CHD6: variants seen among roughly 807,000 people sequenced by gnomAD.
CHD6 encodes the protein chromodomain helicase DNA binding protein 6.
Under a neutral mutation model 276.9 loss-of-function variants are expected in CHD6, and 50 were observed. The ratio of observed to expected loss-of-function variants is 0.18; its 90% CI spans 0.14 to 0.23. CHD6 has a LOEUF of 0.23. Ranked by LOEUF, CHD6 falls within the 10% of genes least tolerant of loss-of-function variation. The pLI, the probability that CHD6 is intolerant of heterozygous loss-of-function variation, is 1.00. For missense variants in CHD6, 2,564 were observed against 3,365.8 expected (o/e 0.76, Z 5.89); for synonymous variants, 1,173 against 1,229.3 (o/e 0.95, Z 0.96).
intron 27 of CHD6, 39 bp from the exon 28 acceptor site, chr20:41,426,192 G>C (rs756689595): frequency 7.0e-7 from 1 of 1,420,384 alleles, no homozygotes; most frequent in South Asian, 1.1e-5. Flanking sequence ...CAAAACTGCA[G>C]CTTAGAAGAA....
At chr20:41,530,963 A>C (rs1282361613) in intron 3 of CHD6, among the ~76,000 whole-genome samples, 1 of 152,230 alleles carries the variant, frequency 6.6e-6, no homozygotes, top group African/African-American at 2.4e-5. Flanking sequence ...ATTAGATCAA[A>C]TCAAGTTGCG....
intron 3 of CHD6, among the ~76,000 whole-genome samples, chr20:41,515,499 T>C (rs569135982): frequency 6.6e-5 from 10 of 152,210 alleles, no homozygotes; most frequent in African/African-American, 2.2e-4. Context: ...CTCAGAGAGG[T>C]AGAGATGGGC....
In CHD6 at chr20:41,490,040, A is replaced by AT; in HGVS notation, c.1437-20dup. 3.7e-6 allele frequency: 6 copies of AT among 1,609,072 alleles called. No individual in the cohort carries two copies. Among genetic ancestry groups the AT allele is most frequent in the Non-Finnish European group, 4.3e-6 (5 of 1,175,830 alleles). On this transcript the variant is annotated intron_variant, in intron 11 of 36. Coordinates refer to ENST00000373233, the MANE Select transcript of CHD6 (RefSeq NM_032221.5). Reference sequence around the variant, plus strand: ...GTTTTTTCTGCAGAGAGTGAGAAATATAGGTAATTCATTATCAATATAGGA... The same window carrying AT: ...GTTTTTTCTGCAGAGAGTGAGAAATATTAGGTAATTCATTATCAATATAGGA...
At chr20:41,499,476 A>T in intron 5 of CHD6, 119 bp from the exon 6 acceptor site, 1 of 760,646 alleles carries the variant, frequency 1.3e-6, no homozygotes, top group Admixed American at 2.8e-5. Flanking sequence ...TTGAGTACCA[A>T]GGCCTCCCAT....
At chr20:41,477,109 AATGTGCCT>A (rs2043185630) in intron 16 of CHD6, among the ~76,000 whole-genome samples, 1 of 152,060 alleles carries the variant, frequency 6.6e-6, no homozygotes, top group Non-Finnish European at 1.5e-5. Context: ...CATGGTGGCC[AATGTGCCT>A]ATCGTCCTAG....
intron 36 of CHD6, 108 bp from the exon 37 acceptor site, chr20:41,405,597 G>C (rs2046652437): frequency 2.4e-6 from 2 of 825,648 alleles, no homozygotes; most frequent in African/African-American, 3.4e-5. Context: ...CCAGCTGCAC[G>C]AAGGGTTCCC....
chr20:41,579,419 CAG>C (rs1307869220), intron 1 of CHD6, among the ~76,000 whole-genome samples: 3 of 122,070 alleles, frequency 2.5e-5, no homozygotes, highest in Non-Finnish European at 3.1e-5. Context: ...GCCTGGGCGA[CAG>C]AGTGAGACTC....
chr20:41,452,923 C>T lies in CHD6; in HGVS notation c.3140G>A (p.Arg1047Gln), dbSNP rs757436385. The T allele has an allele frequency of 4.3e-6, 7 of 1,613,632 alleles. No homozygotes were observed. The highest frequency in any genetic ancestry group is 5.1e-6 in the Non-Finnish European group (6 of 1,179,898). ...TTTGGTCTGCTTTCTCACGCGAGGT[C>T]GGTCGATCACTAAGCTTTCCTAGAA... is the stretch of plus-strand genomic sequence containing the variant. ...KNEKESLVID[R>Q]PRVRKQTKHY... The change falls in exon 21 of 37, where the codon CGA becomes CAA. Residue 1047 changes from arginine (R) to glutamine (Q), a missense_variant. Arg to Gln is a conservative substitution (Grantham distance 43). Transcript: ENST00000373233. The surrounding 1 kb of genome is among the most constrained non-coding windows in gnomAD (Gnocchi z 4.2).
chr20:41,535,104 G>A (rs891135661), intron 2 of CHD6, among the ~76,000 whole-genome samples: 11 of 152,092 alleles, frequency 7.2e-5, no homozygotes, highest in African/African-American at 2.4e-4. Flanking sequence ...TACTCCCACC[G>A]AGGCAGCTCT....
intron 3 of CHD6, among the ~76,000 whole-genome samples, chr20:41,525,696 C>T (rs1247475223): frequency 6.6e-6 from 1 of 152,176 alleles, no homozygotes; most frequent in Non-Finnish European, 1.5e-5. Flanking sequence ...GTTTAAATGT[C>T]TTTTGGTCTT....
intron 1 of CHD6, among the ~76,000 whole-genome samples, chr20:41,592,535 A>C (rs912890501): frequency 5.3e-5 from 8 of 152,244 alleles, no homozygotes; most frequent in African/African-American, 1.9e-4. Context: ...ATTAACAATG[A>C]CACAATAGTA....
chr20:41,458,623 T>C (rs917436668), intron 17 of CHD6, among the ~76,000 whole-genome samples: 24 of 152,202 alleles, frequency 1.6e-4, no homozygotes, highest in Non-Finnish European at 5.9e-5. Flanking sequence ...GAAATAGGTA[T>C]GGATATGTGT....
chr20:41,408,818 T>C (rs1384062625), intron 36 of CHD6, among the ~76,000 whole-genome samples: 1 of 152,240 alleles, frequency 6.6e-6, no homozygotes, highest in Non-Finnish European at 1.5e-5. Flanking sequence ...TGGTGCCTCC[T>C]TCTTCTTTTC....
At chr20:41,436,283 A>C (rs1288195888) in intron 27 of CHD6, among the ~76,000 whole-genome samples, 1 of 152,208 alleles carries the variant, frequency 6.6e-6, no homozygotes, top group Non-Finnish European at 1.5e-5. Flanking sequence ...CCATCAGGGA[A>C]ATGCAAATTA....
rs535133909 is a variant in CHD6 at position 41,579,417 on chromosome 20, G to A, written c.-23-28057C>T. ...CACAACACTGTACTCCTGCCTGGGC[G>A]ACAGAGTGAGACTCTGTCTCAAAAA... On this transcript the variant is annotated intron_variant, in intron 1 of 36. Coordinates refer to ENST00000373233, the MANE Select transcript of CHD6 (RefSeq NM_032221.5). Among the ~76,000 whole-genome samples, 33 of 121,016 alleles carry A rather than the reference G, an allele frequency of 2.7e-4. No homozygotes were observed. In the South Asian group the frequency reaches 7.4e-3, roughly 27 times the overall value. 79.4% of individuals were successfully genotyped at this position (121,016 alleles called of 152,430 possible).
At chr20:41,572,483 C>T (rs1462679817) in intron 1 of CHD6, among the ~76,000 whole-genome samples, 1 of 152,190 alleles carries the variant, frequency 6.6e-6, no homozygotes, top group African/African-American at 2.4e-5. Context: ...GCTTGTATCC[C>T]AGAGAGTTGT....
At chr20:41,453,713 C>T (rs923806476) in intron 20 of CHD6, among the ~76,000 whole-genome samples, 2 of 152,192 alleles carry the variant, frequency 1.3e-5, no homozygotes, top group Admixed American at 1.3e-4. Flanking sequence ...TTGCTTGGAC[C>T]CAGTGTCCTG....
intron 1 of CHD6, among the ~76,000 whole-genome samples, chr20:41,566,726 C>T (rs1236321614): frequency 6.6e-6 from 1 of 152,150 alleles, no homozygotes; most frequent in Admixed American, 6.5e-5. Context: ...GATGTTCACC[C>T]TTTTCCCAAG....
intron 17 of CHD6, among the ~76,000 whole-genome samples, chr20:41,466,973 G>A (rs1334757139): frequency 6.6e-6 from 1 of 152,148 alleles, no homozygotes; most frequent in African/African-American, 2.4e-5. Context: ...TCCTTTCTGA[G>A]ATGGAACCAA....
Sources: gnomAD v4.1 joint callset for allele counts (sites outside exome capture counted in the v4.1 genomes callset) on GRCh38, gnomAD v4.1.1 for gene constraint, Gnocchi (gnomAD v3.1) non-coding constraint, MANE v1.5 for transcripts, NCBI Gene and HGNC (gene_info 2026-07-23, HGNC 2026-07-21) for gene names.